Variants in ETNK1 observed in about 807,000 individuals in gnomAD.
The protein encoded by ETNK1 is putative protein product of Nbla10396.
ETNK1 carries 8 observed loss-of-function variants against 45.1 expected under a neutral mutation model. That is an observed-to-expected ratio of 0.18 (90% CI 0.10 to 0.32). The LOEUF (loss-of-function observed/expected upper bound fraction) is 0.32, where lower values mean the gene tolerates loss of function less well. Ranked by LOEUF, ETNK1 falls within the 10% of genes least tolerant of loss-of-function variation. The pLI, the probability that ETNK1 is intolerant of heterozygous loss-of-function variation, is 1.00. For missense variants in ETNK1, 302 were observed against 430.6 expected (o/e 0.70, Z 2.64); for synonymous variants, 152 against 151.9 (o/e 1.00, Z -0.01).
intron 6 of ETNK1, among the ~76,000 whole-genome samples, chr12:22,679,459 G>A (rs1954192364): frequency 6.6e-6 from 1 of 152,202 alleles, no homozygotes; most frequent in Admixed American, 6.5e-5. Context: ...TTGAGGGTGG[G>A]TCTTCCTCTC....
intron 4 of ETNK1, chr12:22,671,057 A>T (rs1347416229): frequency 2.2e-6 from 1 of 457,530 alleles, no homozygotes; most frequent in Non-Finnish European, 3.8e-6. Context: ...ATTAGTGTTT[A>T]TAAAGAAGCT....
chr12:22,648,796 G>A (rs772626644), intron 2 of ETNK1, among the ~76,000 whole-genome samples: 1 of 151,996 alleles, frequency 6.6e-6, no homozygotes, highest in African/African-American at 2.4e-5. Context: ...ATAAACCGCC[G>A]AACTGTTTCC....
intron 2 of ETNK1, among the ~76,000 whole-genome samples, chr12:22,649,308 A>G (rs1953845067): frequency 6.6e-6 from 1 of 151,750 alleles, no homozygotes; most frequent in Non-Finnish European, 1.5e-5. Context: ...GGTCATCTAC[A>G]TTTTCTCCTA....
intron 1 of ETNK1, among the ~76,000 whole-genome samples, chr12:22,627,177 C>T (rs1395896440): frequency 6.6e-6 from 1 of 151,736 alleles, no homozygotes; most frequent in Non-Finnish European, 1.5e-5. Flanking sequence ...GTCGCCCGAA[C>T]AACCATATTA....
At chr12:22,683,472 A>G (rs891210337) in intron 6 of ETNK1, among the ~76,000 whole-genome samples, 6 of 152,032 alleles carry the variant, frequency 3.9e-5, no homozygotes, top group African/African-American at 1.2e-4. Context: ...TTTTTTTTAC[A>G]TGTATTATAT....
chr12:22,633,349 G>A (rs562309031), intron 1 of ETNK1, among the ~76,000 whole-genome samples: 5 of 152,178 alleles, frequency 3.3e-5, no homozygotes, highest in African/African-American at 1.2e-4. Context: ...GATTACAGGC[G>A]CAAGCCACCG....
At chr12:22,670,537 A>T (rs1031245333) in intron 4 of ETNK1, among the ~76,000 whole-genome samples, 1 of 152,172 alleles carries the variant, frequency 6.6e-6, no homozygotes, top group African/African-American at 2.4e-5. Context: ...TTATAATGAC[A>T]TGCCTATATA....
At chr12:22,665,826 C>G (rs1012197687) in intron 4 of ETNK1, among the ~76,000 whole-genome samples, 1 of 151,854 alleles carries the variant, frequency 6.6e-6, no homozygotes, top group African/African-American at 2.4e-5. Context: ...TAGTTAAGTC[C>G]TATAACTACT....
At chr12:22,626,795 C>T (rs929208240) in intron 1 of ETNK1, among the ~76,000 whole-genome samples, 2 of 151,974 alleles carry the variant, frequency 1.3e-5, no homozygotes, top group Admixed American at 1.3e-4. Context: ...TATTTGTTAG[C>T]CGAGAATATA....
chr12:22,664,197 T>A (rs1954033219), intron 4 of ETNK1, among the ~76,000 whole-genome samples: 1 of 151,968 alleles, frequency 6.6e-6, no homozygotes, highest in Non-Finnish European at 1.5e-5. Flanking sequence ...ATAGTCAATA[T>A]TGAGTAAATG....
intron 1 of ETNK1, among the ~76,000 whole-genome samples, chr12:22,629,359 T>A (rs1028566440): frequency 2.0e-5 from 3 of 152,178 alleles, no homozygotes; most frequent in Non-Finnish European, 2.9e-5. Context: ...ATGCATATTT[T>A]AAAAAATCTT....
At chr12:22,653,914 C>T (rs962855804) in intron 2 of ETNK1, among the ~76,000 whole-genome samples, 1 of 152,186 alleles carries the variant, frequency 6.6e-6, no homozygotes, top group Non-Finnish European at 1.5e-5. Flanking sequence ...TTGAAGTGTA[C>T]TTATTTCCAT....
intron 1 of ETNK1, among the ~76,000 whole-genome samples, chr12:22,632,727 C>T (rs1215908950): frequency 1.3e-5 from 2 of 152,162 alleles, no homozygotes; most frequent in East Asian, 3.9e-4. Flanking sequence ...GTCTTAAACT[C>T]CTGGCTTCAA....
At chr12:22,633,448 G>A (rs1953607380) in intron 1 of ETNK1, among the ~76,000 whole-genome samples, 2 of 152,212 alleles carry the variant, frequency 1.3e-5, no homozygotes, top group South Asian at 2.1e-4. Flanking sequence ...ATTGCTACAG[G>A]ACTTGGTATT....
intron 1 of ETNK1, among the ~76,000 whole-genome samples, chr12:22,627,630 T>A (rs182954414): frequency 1.1e-4 from 16 of 152,250 alleles, no homozygotes; most frequent in African/African-American, 3.4e-4. Flanking sequence ...TTTGAGATTT[T>A]ACTGTATTTC....
chr12:22,659,074 C>T lies in ETNK1; in HGVS notation c.477C>T (p.Pro159=), dbSNP rs969605603. 5 of 1,613,862 alleles carry T rather than the reference C, an allele frequency of 3.1e-6. No individual in the cohort carries two copies. The highest frequency in any genetic ancestry group is 4.2e-6 in the Non-Finnish European group (5 of 1,179,932). ...HAIHAHNGWI[P]KSNLWLKMGK... ...TTCATGCACACAATGGCTGGATCCCCAAATCTAATCTTTGGCTAAAGATGG... is the reference window on the plus strand; with the variant it reads ...TTCATGCACACAATGGCTGGATCCCTAAATCTAATCTTTGGCTAAAGATGG... Residue 159 remains proline, a synonymous_variant, in exon 3 of 8, where the codon CCC becomes CCT. Coordinates refer to ENST00000266517, the MANE Select transcript of ETNK1 (RefSeq NM_018638.5).
intron 6 of ETNK1, among the ~76,000 whole-genome samples, chr12:22,679,940 C>T (rs1437901851): frequency 2.0e-5 from 3 of 152,200 alleles, no homozygotes; most frequent in Non-Finnish European, 4.4e-5. Flanking sequence ...GATCCACCCA[C>T]CTCGGCCTCC....
At chr12:22,680,262 C>T (rs565337274) in intron 6 of ETNK1, among the ~76,000 whole-genome samples, 1 of 152,262 alleles carries the variant, frequency 6.6e-6, no homozygotes, top group East Asian at 1.9e-4. Flanking sequence ...CAACATTAGC[C>T]TTTACTGGTC....
intron 1 of ETNK1, chr12:22,638,982 G>A (rs1953693336): frequency 6.6e-6 from 1 of 152,034 alleles, no homozygotes; most frequent in Non-Finnish European, 1.5e-5. Context: ...TAATGTCTAA[G>A]TACTGTTTAA....
Sources: gnomAD v4.1 joint callset for allele counts (sites outside exome capture counted in the v4.1 genomes callset) on GRCh38, gnomAD v4.1.1 for gene constraint, MANE v1.5 for transcripts, NCBI Gene and HGNC (gene_info 2026-07-23, HGNC 2026-07-21) for gene names.